ANKRD13D: variants seen among roughly 807,000 people sequenced by gnomAD.
The protein encoded by ANKRD13D is ankyrin repeat domain 13D.
Under a neutral mutation model 68.8 loss-of-function variants are expected in ANKRD13D, and 24 were observed. The ratio of observed to expected loss-of-function variants is 0.35; its 90% CI spans 0.25 to 0.49. The LOEUF (loss-of-function observed/expected upper bound fraction) is 0.49. Among genes scored for constraint, ANKRD13D ranks in the 20% least tolerant of loss-of-function variants. The pLI, the probability that ANKRD13D is intolerant of heterozygous loss-of-function variation, is 0.99. For synonymous variants in ANKRD13D, 331 were observed against 336.1 expected, an observed-to-expected ratio of 0.98 and a Z score of 0.16; for missense variants, 735 against 832.1, an observed-to-expected ratio of 0.88 and a Z score of 1.44.
At chr11:67,292,229 G>C (rs1351035324) in intron 6 of ANKRD13D, 49 bp downstream of exon 6, 1 of 1,530,954 alleles carries the variant, frequency 6.5e-7, no homozygotes, top group Non-Finnish European at 8.9e-7. Flanking sequence ...CGGATAGCAA[G>C]AGCCACCATT....
intron 3 of ANKRD13D, 85 bp from the exon 4 acceptor site, chr11:67,291,391 T>G (rs1367514224): frequency 1.4e-5 from 15 of 1,046,002 alleles, no homozygotes; most frequent in Non-Finnish European, 2.1e-5. Context: ...GATGAAGGGC[T>G]GGGCTGGCTG....
In ANKRD13D at chr11:67,302,484, A is replaced by C. The variant is rs1861056714; in HGVS notation, c.*152A>C. On this transcript the variant is annotated 3_prime_UTR_variant, in exon 15 of 15. Transcript: ENST00000511455. ...ATGGAAATAAAGAGACTGTCGCAGC[A>C]GGGCTGCTCTGCTCACTGGGCTGGA... 8 of 1,211,356 alleles carry C rather than the reference A, an allele frequency of 6.6e-6. No individual in the cohort carries two copies. Among genetic ancestry groups the C allele is most frequent in the Non-Finnish European group, 8.8e-6 (8 of 909,186 alleles). The allele number at this position is 1,211,356 out of a possible 1,614,324, so 75.0% of individuals were successfully genotyped here. A position where few individuals can be genotyped will look rare whatever the true frequency, so the allele number is the denominator to read the frequency against.
chr11:67,291,280 C>T (rs1356928804), intron 3 of ANKRD13D, 196 bp from the exon 4 acceptor site: 1 of 601,158 alleles, frequency 1.7e-6, no homozygotes, highest in Non-Finnish European at 2.8e-6. Context: ...TCACCTGAGC[C>T]CAGGGAGGCA....
chr11:67,301,674 G>A lies in ANKRD13D; in HGVS notation c.1512+23G>A. ...CAGGTGGGACTTGCCCAGGGGGTGG[G>A]CTCTGGCCTCTGCAGCCACACGGCA... On this transcript the variant is annotated intron_variant, in intron 13 of 14. Transcript: ENST00000511455. The surrounding 1 kb of genome is among the most constrained non-coding windows in gnomAD (Gnocchi z 4.5). The A allele has an allele frequency of 6.2e-7, 1 of 1,610,928 alleles. No homozygotes were observed. Among genetic ancestry groups the A allele is most frequent in the Non-Finnish European group, 8.5e-7 (1 of 1,179,394 alleles).
intron 6 of ANKRD13D, among the ~76,000 whole-genome samples, 176 bp downstream of exon 6, chr11:67,292,356 G>A (rs374211144): frequency 6.6e-6 from 1 of 152,220 alleles, no homozygotes; most frequent in Admixed American, 6.5e-5. Context: ...CTGCCGGGGT[G>A]GTTGGGCTCC....
In ANKRD13D at chr11:67,291,536, C is replaced by G; in HGVS notation, c.397+15C>G. 1 of 1,613,756 alleles carries G rather than the reference C, an allele frequency of 6.2e-7. No individual in the cohort carries two copies. The highest frequency in any genetic ancestry group is 1.3e-5 in the African/African-American group (1 of 74,918). The stretch of plus-strand genomic sequence containing the variant: ...CACCAGCTGGGGTGAGTGGGGACCT[C>G]TGGGCTCCCAGGGATTTGGGGTGGG... On this transcript the variant is annotated intron_variant, in intron 4 of 14. Coordinates refer to ENST00000511455, the MANE Select transcript of ANKRD13D (RefSeq NM_207354.3).
At chr11:67,289,582 C>T in intron 1 of ANKRD13D, 32 bp downstream of exon 1, 2 of 1,514,770 alleles carry the variant, frequency 1.3e-6, no homozygotes, top group South Asian at 2.4e-5. Flanking sequence ...CGGCCCTTCC[C>T]CCGGGTCCCC....
At position 67,300,399 on chromosome 11, in the gene ANKRD13D, G is replaced by A; in HGVS notation, c.1073+276G>A. 2.2e-6 allele frequency: 1 copy of A among 454,106 alleles called. No individual in the cohort carries two copies. The allele number at this position is 454,106 out of a possible 1,614,324, so 28.1% of individuals were successfully genotyped here. A position where few individuals can be genotyped will look rare whatever the true frequency, so the allele number is the denominator to read the frequency against. The stretch of plus-strand genomic sequence containing the variant: ...ATGAGTACCTGCTGGGGCCAGCGTG[G>A]CACAGTGGGAAGGGCCCCCAGCGAC... On this transcript the variant is annotated intron_variant, in intron 10 of 14. Transcript: ENST00000511455. The surrounding 1 kb of genome is among the most constrained non-coding windows in gnomAD (Gnocchi z 4.3).
rs1046012434 is a variant in ANKRD13D, at chr11:67,290,523, G to T, written c.351+77G>T. 5 of 1,489,074 alleles carry T rather than the reference G, an allele frequency of 3.4e-6. No homozygotes were observed. The East Asian group carries it at 1.2e-4, about 37-fold the overall frequency. The allele number at this position is 1,489,074 out of a possible 1,614,324, so 92.2% of individuals were successfully genotyped here. ...TGGTTACTGTGCCAGGCCTGGCCTTGGAAAGGCACCCAGTTTGTGCAGTGT... is the reference window on the plus strand; with the variant it reads ...TGGTTACTGTGCCAGGCCTGGCCTTTGAAAGGCACCCAGTTTGTGCAGTGT... On this transcript the variant is annotated intron_variant, in intron 3 of 14. Coordinates refer to ENST00000511455, the MANE Select transcript of ANKRD13D (RefSeq NM_207354.3).
intron 6 of ANKRD13D, 117 bp downstream of exon 6, chr11:67,292,297 G>A: frequency 8.1e-7 from 1 of 1,237,336 alleles, no homozygotes; most frequent in Non-Finnish European, 1.1e-6. Flanking sequence ...TCACTCACAA[G>A]GGGCTGCTCA....
Position 67,301,848 on chromosome 11 carries a change from G to T in ANKRD13D, c.1604+25G>T. ...GGTGAGCCCCTCATGGGGCTGGCTG[G>T]GTCCCTGTCCCCCCAGCCCTGGCTT... On this transcript the variant is annotated intron_variant, in intron 14 of 14. Transcript: ENST00000511455. This position sits in a 1 kb window ranked among gnomAD's most constrained non-coding sequence, Gnocchi z 4.5. 6.4e-7 allele frequency: 1 copy of T among 1,565,684 alleles called. No homozygotes were observed. Among genetic ancestry groups the T allele is most frequent in the South Asian group, 1.2e-5 (1 of 85,720 alleles).
At chr11:67,293,470 A>G (rs545982952) in intron 6 of ANKRD13D, among the ~76,000 whole-genome samples, 1 of 152,290 alleles carries the variant, frequency 6.6e-6, no homozygotes, top group Non-Finnish European at 1.5e-5. Context: ...AGAAATGTCT[A>G]TTCAGATCCT....
Position 67,301,361 on chromosome 11 carries a change from G to A in ANKRD13D, c.1311G>A (p.Val437=). The A allele has an allele frequency of 6.2e-7, 1 of 1,613,494 alleles. No individual in the cohort carries two copies. The highest frequency in any genetic ancestry group is 1.1e-5 in the South Asian group (1 of 91,058). Residue 437 remains valine, a synonymous_variant, in exon 12 of 15, where the codon GTG becomes GTA. Coordinates refer to ENST00000511455, the MANE Select transcript of ANKRD13D (RefSeq NM_207354.3). This position sits in a 1 kb window ranked among gnomAD's most constrained non-coding sequence, Gnocchi z 4.5. ...LCGCDEPLSS[V]WVPAPSSAVA... ...GCTGTGATGAGCCCCTGAGCTCCGT[G>A]TGGGTGCCGGCCCCCAGCTCTGCTG...
chr11:67,302,299 G>T lies in ANKRD13D; in HGVS notation c.1785G>T (p.Gln595His). ...GGCAGCAGGAGGAGGAGGACTTACA[G>T]CGGATCCTGCAGCTGTCACTCACTG... The part of the protein sequence containing the change: ...RRGQQEEEDL[Q>H]RILQLSLTEH The change falls in exon 15 of 15, where the codon CAG becomes CAT. Residue 595 changes from glutamine (Q) to histidine (H), a missense_variant. Physicochemically the swap from Gln to His is conservative, Grantham distance 24. Transcript: ENST00000511455. 1 of 1,553,670 alleles carries T rather than the reference G, an allele frequency of 6.4e-7. No homozygotes were observed. The highest frequency in any genetic ancestry group is 8.7e-7 in the Non-Finnish European group (1 of 1,146,926).
Position 67,301,250 on chromosome 11 carries a change from G to A in ANKRD13D, c.1232-32G>A, listed in dbSNP as rs545092792. On this transcript the variant is annotated intron_variant, in intron 11 of 14. Transcript: ENST00000511455. This position sits in a 1 kb window ranked among gnomAD's most constrained non-coding sequence, Gnocchi z 4.5. ...GGGCCGGAGGCACAGGTGGCTCTCC[G>A]CCAGGGCTCAGGCGTGGCTGTCTTC... The A allele has an allele frequency of 3.1e-6, 5 of 1,599,210 alleles. No individual in the cohort carries two copies. The highest frequency in any genetic ancestry group is 1.3e-5 in the African/African-American group (1 of 74,744).
At chr11:67,294,281 GA>G (rs1346516492) in intron 6 of ANKRD13D, among the ~76,000 whole-genome samples, 1 of 152,126 alleles carries the variant, frequency 6.6e-6, no homozygotes, top group Non-Finnish European at 1.5e-5. Flanking sequence ...CAGAATATAT[GA>G]ATTCTAGATT....
chr11:67,299,736 C>A lies in ANKRD13D; in HGVS notation c.881-91C>A. Reference sequence around the variant, plus strand: ...GCCTCCCCATTCCCGTCTGACCCCTCTTCCCCCAGACAGTAGGCTCCAGGG... The same window carrying A: ...GCCTCCCCATTCCCGTCTGACCCCTATTCCCCCAGACAGTAGGCTCCAGGG... On this transcript the variant is annotated intron_variant, in intron 8 of 14. Transcript: ENST00000511455. This position sits in a 1 kb window ranked among gnomAD's most constrained non-coding sequence, Gnocchi z 6.2. 1 of 1,539,628 alleles carries A rather than the reference C, an allele frequency of 6.5e-7. No homozygotes were observed. Among genetic ancestry groups the A allele is most frequent in the South Asian group, 1.2e-5 (1 of 80,338 alleles).
At chr11:67,289,628 C>A (rs1301755132) in intron 1 of ANKRD13D, 78 bp downstream of exon 1, 395 of 1,157,290 alleles carry the variant, frequency 3.4e-4, no homozygotes, top group Non-Finnish European at 4.2e-4. Flanking sequence ...GGAGCCCCCC[C>A]CCCCCCCCCG....
At chr11:67,294,182 GT>G (rs2136525465) in intron 6 of ANKRD13D, among the ~76,000 whole-genome samples, 1 of 152,232 alleles carries the variant, frequency 6.6e-6, no homozygotes, top group Admixed American at 6.5e-5. Context: ...TTCCTACTTT[GT>G]TTTTCTTTTT....
Sources: gnomAD v4.1 joint callset for allele counts (sites outside exome capture counted in the v4.1 genomes callset) on GRCh38, gnomAD v4.1.1 for gene constraint, Gnocchi (gnomAD v3.1) non-coding constraint, MANE v1.5 for transcripts, NCBI Gene and HGNC (gene_info 2026-07-23, HGNC 2026-07-21) for gene names.